Variants in TLCD4 observed in about 807,000 individuals in gnomAD.
The protein encoded by TLCD4 is TLC domain containing 4, also known as TLC domain-containing protein 4.
Under a neutral mutation model 24.2 loss-of-function variants are expected in TLCD4, and 7 were observed. That is an observed-to-expected ratio of 0.29 (90% confidence interval 0.16 to 0.54). The LOEUF (loss-of-function observed/expected upper bound fraction) is 0.54. Ranked by LOEUF, TLCD4 falls within the 20% of genes least tolerant of loss-of-function variation. The pLI is 0.95. For missense variants in TLCD4, 259 were observed against 313.9 expected (o/e 0.82, Z 1.32); for synonymous variants, 103 against 106.4 (o/e 0.97, Z 0.20).
chr1:95,175,597 A>T (rs745618713), intron 6 of TLCD4, among the ~76,000 whole-genome samples: 6 of 152,112 alleles, frequency 3.9e-5, no homozygotes, highest in Non-Finnish European at 7.3e-5. Context: ...TAATTTTTTG[A>T]TGAACCTTCA....
chr1:95,099,303 TA>T, the TLCD4 span, among the ~76,000 whole-genome samples: 1 of 152,064 alleles, frequency 6.6e-6, no homozygotes, highest in Non-Finnish European at 1.5e-5. Flanking sequence ...TTGCACAAAC[TA>T]AATAAGAACA....
intron 3 of TLCD4, 39 bp from the exon 4 acceptor site, chr1:95,150,169 A>G (rs761540576): frequency 2.6e-5 from 41 of 1,588,656 alleles, no homozygotes; most frequent in Non-Finnish European, 3.4e-5. Flanking sequence ...GTCATCTACA[A>G]TCTATATACT....
intron 1 of TLCD4, among the ~76,000 whole-genome samples, chr1:95,136,525 A>T (rs1390131925): frequency 1.3e-5 from 2 of 152,234 alleles, no homozygotes; most frequent in African/African-American, 4.8e-5. Flanking sequence ...ATTTACAAAA[A>T]ATATTTGCTA....
chr1:95,156,139 T>C (rs1364165863), intron 5 of TLCD4, among the ~76,000 whole-genome samples: 2 of 152,148 alleles, frequency 1.3e-5, no homozygotes, highest in East Asian at 1.9e-4. Context: ...ATTCTTGCAG[T>C]TTATATAAGT....
intron 6 of TLCD4, among the ~76,000 whole-genome samples, chr1:95,176,205 T>A (rs1678420276): frequency 2.0e-5 from 3 of 151,968 alleles, no homozygotes; most frequent in Non-Finnish European, 4.4e-5. Context: ...TTCCTTTTTT[T>A]TTTTTTGATG....
rs1679230290 is a variant in TLCD4 at position 95,197,170 on chromosome 1, A to G, written c.*5302A>G. 1.3e-5 allele frequency: 2 copies of G among 152,156 alleles called. No homozygotes were observed. Among genetic ancestry groups the G allele is most frequent in the African/African-American group, 2.4e-5 (1 of 41,440 alleles). 9.4% of individuals were successfully genotyped at this position (152,156 alleles called of 1,614,324 possible). On this transcript the variant is annotated 3_prime_UTR_variant, in exon 7 of 7. Coordinates refer to ENST00000370203, the MANE Select transcript of TLCD4 (RefSeq NM_152487.3). Reference sequence around the variant, plus strand: ...AACATACCTTCTAATTTATTTCCATAAGGCTGAAGAACTTTTATTTACAAA... The same window carrying G: ...AACATACCTTCTAATTTATTTCCATGAGGCTGAAGAACTTTTATTTACAAA...
At chr1:95,178,808 T>C (rs1406191521) in intron 6 of TLCD4, among the ~76,000 whole-genome samples, 1 of 152,198 alleles carries the variant, frequency 6.6e-6, no homozygotes, top group African/African-American at 2.4e-5. Context: ...CCTATTTCTT[T>C]GTATTATAGT....
intron 6 of TLCD4, among the ~76,000 whole-genome samples, chr1:95,185,844 G>A (rs771098400): frequency 7.2e-5 from 11 of 152,232 alleles, no homozygotes; most frequent in Non-Finnish European, 1.6e-4. Context: ...ATTTTCAACT[G>A]TGTGGGGAGT....
chr1:95,134,968 C>T (rs977711529), intron 1 of TLCD4, among the ~76,000 whole-genome samples: 9 of 152,146 alleles, frequency 5.9e-5, no homozygotes, highest in African/African-American at 2.2e-4. Context: ...AACTGAGGTT[C>T]TGTTAAGGTA....
In TLCD4 at chr1:95,162,057, G is replaced by T. The variant is rs1437413210; in HGVS notation, c.399+10638G>T. ...CTGAGTTCAATTCCTGGATATCCTG[G>T]TAACTTTCTGTCTCGTTGATCTGTC... On this transcript the variant is annotated intron_variant, in intron 5 of 6. Coordinates refer to ENST00000370203, the MANE Select transcript of TLCD4 (RefSeq NM_152487.3). 2.6e-5 allele frequency among the ~76,000 whole-genome samples: 4 copies of T among 152,062 alleles called. No individual in the cohort carries two copies. The East Asian group carries it at 5.8e-4, about 22-fold the overall frequency.
chr1:95,112,818 C>T (rs984013636), upstream of TLCD4, among the ~76,000 whole-genome samples: 4 of 152,096 alleles, frequency 2.6e-5, no homozygotes, highest in African/African-American at 9.7e-5. Context: ...TATTGATGGG[C>T]ATTTGATAGA....
At chr1:95,164,981 T>G (rs1197010352) in intron 5 of TLCD4, 2 of 152,192 alleles carry the variant, frequency 1.3e-5, no homozygotes, top group Non-Finnish European at 2.9e-5. Flanking sequence ...AGGATACTAC[T>G]CCATCTCTGC....
At chr1:95,125,745 G>A (rs1183795061) in intron 1 of TLCD4, 3 of 152,178 alleles carry the variant, frequency 2.0e-5, no homozygotes, top group African/African-American at 7.2e-5. Context: ...CTTAGGCCAA[G>A]GGTTAAATCA....
intron 1 of TLCD4, among the ~76,000 whole-genome samples, chr1:95,131,677 A>G (rs552573095): frequency 6.6e-6 from 1 of 152,342 alleles, no homozygotes; most frequent in African/African-American, 2.4e-5. Context: ...AGTATAATCC[A>G]TTGGACTTGG....
chr1:95,099,156 G>A, the TLCD4 span, among the ~76,000 whole-genome samples: 3 of 151,826 alleles, frequency 2.0e-5, no homozygotes, highest in East Asian at 1.9e-4. Context: ...GGTCAGGCAC[G>A]GTGGCTCACG....
chr1:95,110,580 G>A, the TLCD4 span, among the ~76,000 whole-genome samples: 2 of 151,970 alleles, frequency 1.3e-5, no homozygotes, highest in African/African-American at 2.4e-5. Context: ...GAAAAATATC[G>A]AGGAGGACAT....
At chr1:95,126,396 C>A (rs894900163) in intron 1 of TLCD4, among the ~76,000 whole-genome samples, 13 of 149,292 alleles carry the variant, frequency 8.7e-5, no homozygotes, top group Non-Finnish European at 1.8e-4. Flanking sequence ...CCACTGCACT[C>A]CAGCCCAGGT....
At chr1:95,184,686 G>C (rs1025709022) in intron 6 of TLCD4, among the ~76,000 whole-genome samples, 10 of 152,124 alleles carry the variant, frequency 6.6e-5, no homozygotes, top group Non-Finnish European at 1.5e-4. Flanking sequence ...AAGTGTTGCT[G>C]TTCTTCTTTC....
At position 95,150,273 on chromosome 1, in the gene TLCD4, G is replaced by A. The variant is rs1421632572; in HGVS notation, c.304+7G>A. ...TCAGGCTACCTCATTTCTGGTATGT[G>A]AGATGTTGTTTTATTGTCTAATTCC... On this transcript the variant is annotated splice_region_variant and intron_variant, in intron 4 of 6. Transcript: ENST00000370203. 6.2e-7 allele frequency: 1 copy of A among 1,609,794 alleles called. No homozygotes were observed. The highest frequency in any genetic ancestry group is 8.5e-7 in the Non-Finnish European group (1 of 1,179,242).
Sources: allele counts gnomAD v4.1 joint callset (sites outside exome capture counted in the v4.1 genomes callset), GRCh38; gene constraint gnomAD v4.1.1; transcripts MANE v1.5; gene names NCBI Gene and HGNC (gene_info 2026-07-23, HGNC 2026-07-21).